TPST1: variants seen among roughly 807,000 people sequenced by gnomAD.
TPST1 encodes protein-tyrosine sulfotransferase 1.
TPST1 carries 20 observed loss-of-function variants against 34.8 expected under a neutral mutation model. That is an observed-to-expected ratio of 0.57 (90% CI 0.40 to 0.84). TPST1 has a LOEUF of 0.84. TPST1 is among the 40% of genes least tolerant of loss of function. The probability of loss-of-function intolerance (pLI) is 0.00; values close to 1 mark genes in which losing one functional copy is unlikely to be tolerated. For missense variants in TPST1, 353 were observed against 455.5 expected (o/e 0.78, Z 2.05); for synonymous variants, 152 against 159.4 (o/e 0.95, Z 0.35).
At chr7:66,201,730 G>A (rs538391737), upstream of TPST1, among the ~76,000 whole-genome samples, 5 of 151,726 alleles carry the variant, frequency 3.3e-5, no homozygotes, top group Non-Finnish European at 5.9e-5. Flanking sequence ...GCGTGCACCC[G>A]TAGTCTTAGC....
intron 3 of TPST1, among the ~76,000 whole-genome samples, chr7:66,319,824 T>C (rs1365275240): frequency 6.6e-6 from 1 of 152,212 alleles, no homozygotes; most frequent in Non-Finnish European, 1.5e-5. Context: ...GTCCAAACTA[T>C]TGCCAGTAGC....
chr7:66,306,081 T>C (rs1321355603), intron 3 of TPST1, among the ~76,000 whole-genome samples: 1 of 152,178 alleles, frequency 6.6e-6, no homozygotes. Flanking sequence ...CGATGGGAGA[T>C]ATGTGATTGC....
At position 66,360,377 on chromosome 7, in the gene TPST1, T is replaced by G; in HGVS notation, c.*512T>G. The G allele has an allele frequency of 6.5e-6, 1 of 153,744 alleles. No individual in the cohort carries two copies. The highest frequency in any genetic ancestry group is 1.9e-4 in the East Asian group (1 of 5,272). 9.5% of individuals were successfully genotyped at this position (153,744 alleles called of 1,614,324 possible). A position where few individuals can be genotyped will look rare whatever the true frequency, so the allele number is the denominator to read the frequency against. On this transcript the variant is annotated 3_prime_UTR_variant, in exon 6 of 6. Transcript: ENST00000304842. ...TTTCTGAGAAGTTGGGAAATTACCA[T>G]TATACATTTACAACCTAATGACTTT...
chr7:66,208,049 G>A (rs1254065065), intron 1 of TPST1, among the ~76,000 whole-genome samples: 3 of 151,470 alleles, frequency 2.0e-5, no homozygotes, highest in African/African-American at 7.3e-5. Flanking sequence ...TCTGGGTCCT[G>A]TAGTCTACTT....
At chr7:66,315,815 G>GA (rs1038227821) in intron 3 of TPST1, among the ~76,000 whole-genome samples, 2 of 150,502 alleles carry the variant, frequency 1.3e-5, no homozygotes, top group South Asian at 2.1e-4. Flanking sequence ...AGAATAACAA[G>GA]AAAAAAAAAT....
At chr7:66,315,757 G>A (rs1045636721) in intron 3 of TPST1, among the ~76,000 whole-genome samples, 1 of 152,114 alleles carries the variant, frequency 6.6e-6, no homozygotes, top group Non-Finnish European at 1.5e-5. Context: ...GGGAGTAGGG[G>A]TGATGGTGGG....
chr7:66,252,357 C>CAAGAAA (rs1790283062), intron 2 of TPST1, among the ~76,000 whole-genome samples: 1 of 88,380 alleles, frequency 1.1e-5, no homozygotes, highest in Admixed American at 1.3e-4. Flanking sequence ...CGCGCCCAGC[C>CAAGAAA]TTTTTTTTTT....
intron 2 of TPST1, among the ~76,000 whole-genome samples, chr7:66,249,625 C>T (rs1301256808): frequency 2.0e-5 from 3 of 152,178 alleles, no homozygotes; most frequent in Non-Finnish European, 4.4e-5. Context: ...GCTAATGTTC[C>T]TGGCCTGATT....
chr7:66,339,431 C>G (rs896968768), intron 3 of TPST1, among the ~76,000 whole-genome samples: 3 of 152,094 alleles, frequency 2.0e-5, no homozygotes, highest in African/African-American at 7.2e-5. Context: ...ATTTAAAGAA[C>G]TAATACCAAT....
chr7:66,237,946 A>T (rs901598506), intron 1 of TPST1, among the ~76,000 whole-genome samples: 1 of 152,192 alleles, frequency 6.6e-6, no homozygotes. Context: ...TGTAACTGTT[A>T]CAGGGAGGCC....
chr7:66,340,070 T>TCATGC (rs1199168252), intron 3 of TPST1, among the ~76,000 whole-genome samples: 1 of 152,096 alleles, frequency 6.6e-6, no homozygotes, highest in African/African-American at 2.4e-5. Flanking sequence ...GTGTAGTGGC[T>TCATGC]CATGCCTGTA....
intron 1 of TPST1, among the ~76,000 whole-genome samples, chr7:66,234,414 CACACACACACACACACAG>C (rs1554342894): frequency 6.6e-6 from 1 of 150,742 alleles, no homozygotes; most frequent in East Asian, 2.0e-4. Flanking sequence ...CACACACACA[CACACACACACACACACAG>C]ACACACACAC....
At chr7:66,244,232 C>T (rs551227193) in intron 2 of TPST1, among the ~76,000 whole-genome samples, 6 of 152,058 alleles carry the variant, frequency 3.9e-5, no homozygotes, top group Non-Finnish European at 8.8e-5. Flanking sequence ...GGATTACAGG[C>T]GTGAGCCACC....
In TPST1 at chr7:66,328,886, C is replaced by CTCTCTCTATA. The variant is rs757168858; in HGVS notation, c.1045-23618_1045-23617insCTCTCTATAT. Among the ~76,000 whole-genome samples, 67 of 22,078 alleles carry CTCTCTCTATA rather than the reference C, an allele frequency of 3.0e-3. 1 individual carries two copies. The highest frequency in any genetic ancestry group is 4.0e-3 in the Non-Finnish European group (55 of 13,594). The allele number at this position is 22,078 out of a possible 152,430, so 14.5% of individuals were successfully genotyped here. On this transcript the variant is annotated intron_variant, in intron 3 of 5. Coordinates refer to ENST00000304842, the MANE Select transcript of TPST1 (RefSeq NM_003596.4). ...TCTCTCTCTCTCTCTCTCTCTCTCT[C>CTCTCTCTATA]TATATATATATATATATATATTTTT...
intron 2 of TPST1, among the ~76,000 whole-genome samples, chr7:66,260,942 AT>A (rs1230439697): frequency 6.6e-6 from 1 of 152,102 alleles, no homozygotes; most frequent in Non-Finnish European, 1.5e-5. Flanking sequence ...TTCCCTGTAA[AT>A]TCGTTCTTTC....
At chr7:66,246,688 G>A (rs1790157145) in intron 2 of TPST1, among the ~76,000 whole-genome samples, 3 of 152,130 alleles carry the variant, frequency 2.0e-5, no homozygotes, top group African/African-American at 7.2e-5. Context: ...GGCAGACCAG[G>A]GCTGCTTTGT....
At chr7:66,359,544 C>T (rs940776399) in intron 5 of TPST1, 3 of 262,046 alleles carry the variant, frequency 1.1e-5, no homozygotes, top group Admixed American at 9.3e-5. Context: ...ATGGTGCTGA[C>T]CCCTGGACAT....
chr7:66,222,726 G>T (rs954405901), intron 1 of TPST1, among the ~76,000 whole-genome samples: 3 of 152,130 alleles, frequency 2.0e-5, no homozygotes, highest in Non-Finnish European at 4.4e-5. Context: ...AGGGGGTCAG[G>T]CTGCATGGGA....
At chr7:66,323,062 T>C (rs1791790092) in intron 3 of TPST1, among the ~76,000 whole-genome samples, 1 of 152,212 alleles carries the variant, frequency 6.6e-6, no homozygotes, top group South Asian at 2.1e-4. Context: ...TTATGTATCA[T>C]CTTTGGGAAG....
Sources: gnomAD v4.1 joint callset for allele counts (sites outside exome capture counted in the v4.1 genomes callset) on GRCh38, gnomAD v4.1.1 for gene constraint, MANE v1.5 for transcripts, NCBI Gene and HGNC (gene_info 2026-07-23, HGNC 2026-07-21) for gene names.